SGCZ: variants seen among roughly 807,000 people sequenced by gnomAD.
SGCZ encodes zeta-sarcoglycan.
In SGCZ, 40 loss-of-function variants were observed where a neutral mutation model predicts 41.3. That is an observed-to-expected ratio of 0.97 (90% CI 0.75 to 1.26). The LOEUF (loss-of-function observed/expected upper bound fraction) is 1.26. Ranked by LOEUF, SGCZ falls within the 50% of genes most tolerant of loss-of-function variation. The pLI, the probability that SGCZ is intolerant of heterozygous loss-of-function variation, is 0.00. For synonymous variants in SGCZ, 206 were observed against 137.5 expected (o/e 1.50, Z -3.49); for missense variants, 552 against 369.8 (o/e 1.49, Z -4.04).
intron 2 of SGCZ, among the ~76,000 whole-genome samples, chr8:14,548,618 T>G (rs1803704393): frequency 6.6e-6 from 1 of 152,160 alleles, no homozygotes; most frequent in South Asian, 2.1e-4. Context: ...GTGAGCTATT[T>G]AAATAAAGTT....
Position 14,102,417 on chromosome 8 carries a change from T to A in SGCZ, c.703A>T (p.Thr235Ser), listed in dbSNP as rs759294435. The change falls in exon 7 of 8, where the codon ACC becomes TCC. Residue 235 changes from threonine (T) to serine (S), a missense_variant. Coordinates refer to ENST00000382080, the MANE Select transcript of SGCZ (RefSeq NM_139167.4). ...VSAAAGDFKA[T>S]CRKELHLQST... ...TGCAGATGGAGCTCCTTCCTGCAGG[T>A]GGCCTTGAAGTCTCCTGCAGCAGCA... The A allele has an allele frequency of 3.4e-5, 52 of 1,527,286 alleles. No homozygotes were observed. In the East Asian group the frequency reaches 1.2e-3, roughly 36 times the overall value. The allele number at this position is 1,527,286 out of a possible 1,614,324, so 94.6% of individuals were successfully genotyped here.
intron 1 of SGCZ, among the ~76,000 whole-genome samples, chr8:14,650,247 A>T (rs986598020): frequency 1.3e-5 from 2 of 152,066 alleles, no homozygotes; most frequent in Admixed American, 6.6e-5. Flanking sequence ...GGAGAAAGGA[A>T]GTGAGAAGCA....
chr8:14,563,251 A>T (rs900710959), intron 1 of SGCZ, among the ~76,000 whole-genome samples: 1 of 151,954 alleles, frequency 6.6e-6, no homozygotes, highest in African/African-American at 2.4e-5. Context: ...CACCTTTTCT[A>T]CTCCAAGAGT....
chr8:14,231,822 G>A (rs567582665), intron 4 of SGCZ, among the ~76,000 whole-genome samples: 5 of 152,128 alleles, frequency 3.3e-5, no homozygotes, highest in Admixed American at 2.6e-4. Context: ...AAGATCATAT[G>A]CGTTCTTTTA....
intron 1 of SGCZ, among the ~76,000 whole-genome samples, chr8:14,934,984 A>C (rs1194969204): frequency 2.0e-5 from 3 of 150,964 alleles, no homozygotes; most frequent in Non-Finnish European, 4.4e-5. Flanking sequence ...ATTCATCCAC[A>C]ATAAACAGCT....
At chr8:15,230,698 T>C (rs1024957872) in intron 1 of SGCZ, among the ~76,000 whole-genome samples, 2 of 152,200 alleles carry the variant, frequency 1.3e-5, no homozygotes, top group Non-Finnish European at 2.9e-5. Context: ...CAGTCTACAG[T>C]TCTTGCCATG....
At chr8:14,592,256 GT>G (rs1160369437) in intron 1 of SGCZ, among the ~76,000 whole-genome samples, 4 of 152,010 alleles carry the variant, frequency 2.6e-5, no homozygotes, top group African/African-American at 9.7e-5. Context: ...AATATTTGAT[GT>G]CTCTCCAAAT....
At chr8:14,356,669 G>A (rs774365480) in intron 2 of SGCZ, among the ~76,000 whole-genome samples, 4 of 151,576 alleles carry the variant, frequency 2.6e-5, no homozygotes, top group African/African-American at 4.8e-5. Flanking sequence ...ACCAACTCAA[G>A]GCATAATTTT....
At chr8:14,834,537 C>A (rs1802634061) in intron 1 of SGCZ, among the ~76,000 whole-genome samples, 1 of 152,120 alleles carries the variant, frequency 6.6e-6, no homozygotes, top group Non-Finnish European at 1.5e-5. Context: ...CTCCTAGCAG[C>A]AAGGAGAGGA....
Position 15,228,793 on chromosome 8 carries a change from A to T in SGCZ, c.39+8792T>A, listed in dbSNP as rs556479471. On this transcript the variant is annotated intron_variant, in intron 1 of 7. Coordinates refer to ENST00000382080, the MANE Select transcript of SGCZ (RefSeq NM_139167.4). ...AGTGGGTTTCATTTTGTGGCACACG[A>T]GTTCACCAATTACACAACTATCGTA... is the stretch of plus-strand genomic sequence containing the variant. 2.0e-5 allele frequency among the ~76,000 whole-genome samples: 3 copies of T among 152,352 alleles called. No individual in the cohort carries two copies. The South Asian group carries it at 6.2e-4, about 32-fold the overall frequency.
chr8:14,324,572 A>G (rs1339912356), intron 2 of SGCZ, among the ~76,000 whole-genome samples: 1 of 152,146 alleles, frequency 6.6e-6, no homozygotes, highest in African/African-American at 2.4e-5. Context: ...GAAATCTAGT[A>G]ATATTTTTAC....
intron 1 of SGCZ, among the ~76,000 whole-genome samples, chr8:14,865,431 C>A (rs116199929): frequency 0.026 from 3,581 of 138,120 alleles, 52 homozygotes; most frequent in Middle Eastern, 0.05. Flanking sequence ...TTACTTCTTG[C>A]TCTGCCCTCA....
At chr8:14,244,780 T>C (rs1799024747) in intron 3 of SGCZ, among the ~76,000 whole-genome samples, 1 of 152,208 alleles carries the variant, frequency 6.6e-6, no homozygotes, top group African/African-American at 2.4e-5. Context: ...GATCAGTGGT[T>C]TGTAGTTCTC....
At chr8:15,048,678 G>A (rs1217583826) in intron 1 of SGCZ, among the ~76,000 whole-genome samples, 1 of 152,068 alleles carries the variant, frequency 6.6e-6, no homozygotes, top group Non-Finnish European at 1.5e-5. Flanking sequence ...AATTTAAACT[G>A]AATTCACTTT....
At chr8:14,459,394 G>A (rs977462207) in intron 2 of SGCZ, among the ~76,000 whole-genome samples, 2 of 151,630 alleles carry the variant, frequency 1.3e-5, no homozygotes, top group Non-Finnish European at 2.9e-5. Flanking sequence ...TTGTGCACAT[G>A]TACCCTAAAC....
chr8:14,271,594 A>G (rs1273472380), intron 3 of SGCZ, among the ~76,000 whole-genome samples: 2 of 152,212 alleles, frequency 1.3e-5, no homozygotes, highest in Non-Finnish European at 2.9e-5. Context: ...CTTTTACAAG[A>G]CAGCTTTTCC....
intron 3 of SGCZ, among the ~76,000 whole-genome samples, chr8:14,272,535 C>A (rs1388062546): frequency 1.3e-5 from 2 of 152,126 alleles, no homozygotes; most frequent in African/African-American, 2.4e-5. Context: ...TATGACATGA[C>A]TGAACTTGGA....
chr8:15,066,315 CAAAAAA>C (rs34127345), intron 1 of SGCZ, among the ~76,000 whole-genome samples: 1 of 106,934 alleles, frequency 9.4e-6, no homozygotes, highest in African/African-American at 3.6e-5. Context: ...ACTCCGTCTC[CAAAAAA>C]AAAAAAAAAA....
chr8:14,315,509 A>C (rs1296193829), intron 3 of SGCZ, among the ~76,000 whole-genome samples: 1 of 152,094 alleles, frequency 6.6e-6, no homozygotes, highest in Non-Finnish European at 1.5e-5. Flanking sequence ...AGTCAAAGCA[A>C]AGTTAACCCA....
Sources: allele counts gnomAD v4.1 joint callset (sites outside exome capture counted in the v4.1 genomes callset), GRCh38; gene constraint gnomAD v4.1.1; transcripts MANE v1.5; gene names NCBI Gene and HGNC (gene_info 2026-07-23, HGNC 2026-07-21).